Variants in KATNIP observed in about 807,000 individuals in gnomAD.
The protein encoded by KATNIP is katanin interacting protein, also known as katanin-interacting protein.
KATNIP carries 126 observed loss-of-function variants against 174.0 expected under a neutral mutation model. The ratio of observed to expected loss-of-function variants is 0.72; its 90% CI spans 0.63 to 0.84. The LOEUF (loss-of-function observed/expected upper bound fraction) is 0.84, where lower values mean the gene tolerates loss of function less well. Among genes scored for constraint, KATNIP ranks in the 40% least tolerant of loss-of-function variants. The pLI, the probability that KATNIP is intolerant of heterozygous loss-of-function variation, is 0.00. For missense variants in KATNIP, 1,958 were observed against 2,109.7 expected, an observed-to-expected ratio of 0.93 and a Z score of 1.41; for synonymous variants, 810 against 835.7, an observed-to-expected ratio of 0.97 and a Z score of 0.53.
chr16:27,758,882 C>T (rs1411890326), intron 18 of KATNIP, among the ~76,000 whole-genome samples: 2 of 152,166 alleles, frequency 1.3e-5, no homozygotes, highest in African/African-American at 2.4e-5. Flanking sequence ...TGCTTATTGA[C>T]AGTCTTTGCT....
intron 6 of KATNIP, among the ~76,000 whole-genome samples, chr16:27,667,195 C>T (rs140285278): frequency 2.0e-5 from 3 of 152,102 alleles, no homozygotes; most frequent in African/African-American, 7.2e-5. Flanking sequence ...ATGGTGTACA[C>T]CTGTAGTCCC....
chr16:27,737,637 C>T (rs1483286949), intron 14 of KATNIP, among the ~76,000 whole-genome samples: 1 of 152,050 alleles, frequency 6.6e-6, no homozygotes, highest in Non-Finnish European at 1.5e-5. Context: ...ACCCAGGAGT[C>T]GGGCAGGCTC....
At chr16:27,686,829 T>C (rs1373330827) in intron 8 of KATNIP, among the ~76,000 whole-genome samples, 1 of 152,190 alleles carries the variant, frequency 6.6e-6, no homozygotes, top group African/African-American at 2.4e-5. Context: ...TTAGCAAGTT[T>C]ACCACTTCTC....
chr16:27,678,573 C>G (rs1260998097), intron 7 of KATNIP, among the ~76,000 whole-genome samples: 3 of 152,174 alleles, frequency 2.0e-5, no homozygotes, highest in Admixed American at 1.3e-4. Flanking sequence ...AAGACACTGA[C>G]TTTGCAACCC....
In KATNIP at chr16:27,563,844, G is replaced by A. The variant is rs575629774; in HGVS notation, c.8-10057G>A. 3.8e-5 allele frequency among the ~76,000 whole-genome samples: 5 copies of A among 132,440 alleles called. No individual in the cohort carries two copies. In the Admixed American group the frequency reaches 4.3e-4, roughly 12 times the overall value. 86.9% of individuals were successfully genotyped at this position (132,440 alleles called of 152,430 possible). On this transcript the variant is annotated intron_variant, in intron 1 of 27. Transcript: ENST00000261588. Reference sequence around the variant, plus strand: ...TGGGTAGAATTGCTTGAACCCAGGAGTTCGAGACCAGCTAGGCAACATAGT... The same window carrying A: ...TGGGTAGAATTGCTTGAACCCAGGAATTCGAGACCAGCTAGGCAACATAGT...
chr16:27,608,371 C>T (rs1008015002), intron 2 of KATNIP, among the ~76,000 whole-genome samples: 14 of 144,548 alleles, frequency 9.7e-5, no homozygotes, highest in Non-Finnish European at 1.7e-4. Context: ...GCTGGGACTA[C>T]GGGTGCACGC....
At chr16:27,609,174 GAC>G in intron 2 of KATNIP, among the ~76,000 whole-genome samples, 1 of 152,000 alleles carries the variant, frequency 6.6e-6, no homozygotes, top group Non-Finnish European at 1.5e-5. Context: ...GAACAAACTA[GAC>G]AAAGCTCTCT....
At chr16:27,600,486 C>T (rs1238267549) in intron 2 of KATNIP, among the ~76,000 whole-genome samples, 1 of 152,154 alleles carries the variant, frequency 6.6e-6, no homozygotes, top group Non-Finnish European at 1.5e-5. Context: ...TAGCCGTCCC[C>T]TGGGATCAGC....
chr16:27,728,412 A>G (rs2080532364), intron 14 of KATNIP, among the ~76,000 whole-genome samples: 1 of 152,200 alleles, frequency 6.6e-6, no homozygotes, highest in African/African-American at 2.4e-5. Flanking sequence ...GGAGAGGTGA[A>G]CAGAGAATTC....
intron 2 of KATNIP, among the ~76,000 whole-genome samples, chr16:27,574,836 C>T (rs528374366): frequency 6.6e-6 from 1 of 152,190 alleles, no homozygotes; most frequent in Non-Finnish European, 1.5e-5. Flanking sequence ...CAGGCGTGAG[C>T]CACCACACCC....
Position 27,777,514 on chromosome 16 carries a change from G to A in KATNIP, c.4552-96G>A. The A allele has an allele frequency of 8.1e-7, 1 of 1,236,978 alleles. No homozygotes were observed. Among genetic ancestry groups the A allele is most frequent in the South Asian group, 1.5e-5 (1 of 66,148 alleles). The allele number at this position is 1,236,978 out of a possible 1,614,324, so 76.6% of individuals were successfully genotyped here. A position where few individuals can be genotyped will look rare whatever the true frequency, so the allele number is the denominator to read the frequency against. On this transcript the variant is annotated intron_variant, in intron 25 of 27. Coordinates refer to ENST00000261588, the MANE Select transcript of KATNIP (RefSeq NM_015202.5). The surrounding 1 kb of genome is among the most constrained non-coding windows in gnomAD (Gnocchi z 4.4). ...GTTCCTGACAGCCCCGTCTTCCCGA[G>A]GAGAAAGCCTTGGCTCAGAGCAGTA...
intron 2 of KATNIP, among the ~76,000 whole-genome samples, chr16:27,586,631 C>T (rs763331266): frequency 5.3e-5 from 8 of 151,924 alleles, no homozygotes; most frequent in Non-Finnish European, 7.4e-5. Flanking sequence ...GAGTTCGAGA[C>T]CAGCCTGGGC....
At position 27,749,980 on chromosome 16, in the gene KATNIP, A is replaced by G; in HGVS notation, c.3020A>G (p.Gln1007Arg). 1 of 1,614,238 alleles carries G rather than the reference A, an allele frequency of 6.2e-7. No individual in the cohort carries two copies. Among genetic ancestry groups the G allele is most frequent in the Non-Finnish European group, 8.5e-7 (1 of 1,180,026 alleles). Residue 1007 changes from glutamine to arginine, a missense_variant, in exon 16 of 28, where the codon CAG becomes CGG. By Grantham distance (43) the Gln-to-Arg change is conservative. This residue lies in a region of KATNIP where 1,557 missense variants were observed against 1,617.8 expected (regional missense o/e 0.96). Transcript: ENST00000261588. ...TTCAGTTCCAAGGGTGAACCGGTGC[A>G]GATTTCAAACATAAAAGCAGACCCT... ...EIFSSKGEPV[Q>R]ISNIKADPPD...
chr16:27,661,293 C>T (rs1212404670), intron 6 of KATNIP, among the ~76,000 whole-genome samples: 2 of 152,110 alleles, frequency 1.3e-5, no homozygotes, highest in African/African-American at 2.4e-5. Context: ...GGGATAGTAG[C>T]AGACAATCAC....
chr16:27,576,081 G>A (rs1416976952), intron 2 of KATNIP, among the ~76,000 whole-genome samples: 2 of 152,160 alleles, frequency 1.3e-5, no homozygotes, highest in Non-Finnish European at 2.9e-5. Context: ...ACCCACCCCT[G>A]GCCTTTGGTC....
intron 2 of KATNIP, among the ~76,000 whole-genome samples, chr16:27,578,367 C>T (rs923291975): frequency 2.0e-5 from 3 of 152,140 alleles, no homozygotes; most frequent in Admixed American, 6.6e-5. Context: ...CTCTGGCTGT[C>T]GACCCAGGTG....
intron 7 of KATNIP, among the ~76,000 whole-genome samples, chr16:27,680,197 C>T (rs1360875514): frequency 1.3e-5 from 2 of 152,202 alleles, no homozygotes; most frequent in Admixed American, 1.3e-4. Context: ...ACGCCCAGCA[C>T]ATTGCAGCCC....
intron 2 of KATNIP, among the ~76,000 whole-genome samples, chr16:27,578,803 C>T (rs1164021488): frequency 6.6e-6 from 1 of 152,084 alleles, no homozygotes; most frequent in African/African-American, 2.4e-5. Context: ...GCCTCAAACT[C>T]CTGCCCTCAA....
intron 13 of KATNIP, among the ~76,000 whole-genome samples, chr16:27,710,569 A>T (rs1458064951): frequency 6.6e-6 from 1 of 152,124 alleles, no homozygotes; most frequent in African/African-American, 2.4e-5. Context: ...TTGCGTGATC[A>T]TAGCTCACTG....
Sources: gnomAD v4.1 joint callset for allele counts (sites outside exome capture counted in the v4.1 genomes callset) on GRCh38, gnomAD v4.1.1 for gene constraint, gnomAD v4.1.1 regional missense constraint, Gnocchi (gnomAD v3.1) non-coding constraint, MANE v1.5 for transcripts, NCBI Gene and HGNC (gene_info 2026-07-23, HGNC 2026-07-21) for gene names.